Variants in CDH13 observed in about 807,000 individuals in gnomAD.
CDH13 encodes cadherin 13.
Under a neutral mutation model 63.8 loss-of-function variants are expected in CDH13, and 24 were observed. The ratio of observed to expected loss-of-function variants is 0.38; its 90% CI spans 0.27 to 0.53. CDH13 has a LOEUF of 0.53. Among genes scored for constraint, CDH13 ranks in the 20% least tolerant of loss-of-function variants. The probability of loss-of-function intolerance (pLI) is 0.85; values close to 1 mark genes in which losing one functional copy is unlikely to be tolerated. For missense variants in CDH13, 1,049 were observed against 903.1 expected, an observed-to-expected ratio of 1.16 and a Z score of -2.07; for synonymous variants, 503 against 355.3, an observed-to-expected ratio of 1.42 and a Z score of -4.67.
chr16:82,745,979 T>C (rs925906568), intron 1 of CDH13, among the ~76,000 whole-genome samples: 15 of 152,116 alleles, frequency 9.9e-5, no homozygotes, highest in African/African-American at 3.4e-4. Context: ...TTATATTTAA[T>C]ACCATCAAAA....
intron 1 of CDH13, among the ~76,000 whole-genome samples, chr16:82,848,072 A>G (rs945008303): frequency 6.6e-6 from 1 of 152,218 alleles, no homozygotes; most frequent in Non-Finnish European, 1.5e-5. Context: ...ATGTTCAAAG[A>G]ACAAAGAGAA....
intron 7 of CDH13, among the ~76,000 whole-genome samples, chr16:83,505,223 A>G (rs1313756877): frequency 1.3e-5 from 2 of 152,222 alleles, no homozygotes; most frequent in African/African-American, 4.8e-5. Flanking sequence ...TGTACCCAGA[A>G]GAAACAAGAA....
In CDH13 at chr16:83,798,562, C is replaced by T. The variant is rs1904294975; in HGVS notation, c.*3532C>T. ...AGGCTCAGAAAAATTGAATGGCTTGCCCAAGGTAAGTGGCCTCCAGAACCA... is the reference window on the plus strand; with the variant it reads ...AGGCTCAGAAAAATTGAATGGCTTGTCCAAGGTAAGTGGCCTCCAGAACCA... On this transcript the variant is annotated 3_prime_UTR_variant, in exon 14 of 14. Coordinates refer to ENST00000567109, the MANE Select transcript of CDH13 (RefSeq NM_001257.5). 6.6e-6 allele frequency: 1 copy of T among 152,144 alleles called. No homozygotes were observed. The highest frequency in any genetic ancestry group is 1.9e-4 in the East Asian group (1 of 5,188). The allele number at this position is 152,144 out of a possible 1,614,324, so 9.4% of individuals were successfully genotyped here.
chr16:82,736,491 T>C (rs953387710), intron 1 of CDH13, among the ~76,000 whole-genome samples: 16 of 152,106 alleles, frequency 1.1e-4, no homozygotes, highest in Non-Finnish European at 1.9e-4. Context: ...GAGCTAATGG[T>C]AAAAATAAAC....
intron 10 of CDH13, among the ~76,000 whole-genome samples, chr16:83,737,756 G>A (rs1046072188): frequency 2.0e-5 from 3 of 152,294 alleles, no homozygotes; most frequent in Middle Eastern, 3.4e-3. Flanking sequence ...CCAAATTGGA[G>A]AACCAGTGGC....
intron 5 of CDH13, among the ~76,000 whole-genome samples, chr16:83,307,573 G>C (rs2089908532): frequency 6.6e-6 from 1 of 152,140 alleles, no homozygotes; most frequent in Admixed American, 6.5e-5. Context: ...ATTTAACCAT[G>C]AATTTCCTCC....
intron 3 of CDH13, among the ~76,000 whole-genome samples, chr16:83,086,357 T>G (rs768073772): frequency 2.0e-5 from 3 of 152,196 alleles, no homozygotes; most frequent in Non-Finnish European, 4.4e-5. Flanking sequence ...TGTTTTTGGG[T>G]AAGGTACTCT....
intron 2 of CDH13, among the ~76,000 whole-genome samples, chr16:82,896,295 T>A (rs1265247801): frequency 4.4e-5 from 3 of 68,202 alleles, no homozygotes; most frequent in African/African-American, 1.8e-4. Context: ...TTTTTTTTTT[T>A]TTTTTTTTTT....
intron 3 of CDH13, among the ~76,000 whole-genome samples, chr16:83,058,890 CTTGCT>C (rs1269174454): frequency 6.6e-6 from 1 of 151,740 alleles, no homozygotes; most frequent in Non-Finnish European, 1.5e-5. Context: ...AGGATATTTT[CTTGCT>C]TTGCTTTGCT....
chr16:83,004,715 A>G (rs147704820), intron 2 of CDH13, among the ~76,000 whole-genome samples: 39 of 151,972 alleles, frequency 2.6e-4, no homozygotes, highest in African/African-American at 8.2e-4. Flanking sequence ...CTGGCCTCAA[A>G]CTCCTGACCT....
At chr16:83,059,563 T>A (rs1325323126) in intron 3 of CDH13, among the ~76,000 whole-genome samples, 1 of 152,046 alleles carries the variant, frequency 6.6e-6, no homozygotes, top group Non-Finnish European at 1.5e-5. Context: ...CTTCGGAGAT[T>A]CCATCATTCA....
At chr16:83,671,315 C>A (rs950081933) in intron 9 of CDH13, among the ~76,000 whole-genome samples, 1 of 152,160 alleles carries the variant, frequency 6.6e-6, no homozygotes, top group East Asian at 1.9e-4. Flanking sequence ...GTGGTGTGAT[C>A]TCAGCTCACT....
intron 8 of CDH13, among the ~76,000 whole-genome samples, chr16:83,651,705 C>G (rs1296118116): frequency 6.9e-6 from 1 of 145,534 alleles, no homozygotes; most frequent in Non-Finnish European, 1.5e-5. Context: ...AAGAAATTCT[C>G]CTGCCTCAGC....
In CDH13 at chr16:82,653,232, T is replaced by A. The variant is rs1910935063; in HGVS notation, c.45+26095T>A. 5.3e-5 allele frequency among the ~76,000 whole-genome samples: 8 copies of A among 152,320 alleles called. No homozygotes were observed. In the South Asian group the frequency reaches 1.7e-3, roughly 32 times the overall value. On this transcript the variant is annotated intron_variant, in intron 1 of 13. Coordinates refer to ENST00000567109, the MANE Select transcript of CDH13 (RefSeq NM_001257.5). ...GATGGTTTCTGAGGACCTGATAATG[T>A]TTCTCCTTGATTTTAGTGCCAGTTA...
At chr16:83,785,622 T>C (rs774984780) in intron 13 of CDH13, among the ~76,000 whole-genome samples, 1 of 152,202 alleles carries the variant, frequency 6.6e-6, no homozygotes, top group Non-Finnish European at 1.5e-5. Flanking sequence ...CGTGAGGGTA[T>C]GCTGTCTGGG....
chr16:83,318,662 C>T (rs974503156), intron 5 of CDH13, among the ~76,000 whole-genome samples: 1 of 152,138 alleles, frequency 6.6e-6, no homozygotes, highest in African/African-American at 2.4e-5. Flanking sequence ...AGTGCACCTT[C>T]CTCCTGTGGC....
chr16:82,817,061 AAC>A (rs2037753857), intron 1 of CDH13, among the ~76,000 whole-genome samples: 1 of 152,130 alleles, frequency 6.6e-6, no homozygotes, highest in Non-Finnish European at 1.5e-5. Context: ...TTTAGAAATC[AAC>A]CAAGTGCATT....
intron 1 of CDH13, among the ~76,000 whole-genome samples, chr16:82,660,771 G>T (rs991064936): frequency 2.6e-5 from 4 of 152,142 alleles, no homozygotes; most frequent in African/African-American, 9.7e-5. Flanking sequence ...TCAGCATGGC[G>T]GGTGGTTTTC....
At chr16:83,365,131 G>A (rs955857644) in intron 6 of CDH13, among the ~76,000 whole-genome samples, 1 of 152,220 alleles carries the variant, frequency 6.6e-6, no homozygotes, top group African/African-American at 2.4e-5. Flanking sequence ...TCTGCAGTCA[G>A]TAGCTGGAGA....
Sources: allele counts gnomAD v4.1 joint callset (sites outside exome capture counted in the v4.1 genomes callset), GRCh38; gene constraint gnomAD v4.1.1; transcripts MANE v1.5; gene names NCBI Gene and HGNC (gene_info 2026-07-23, HGNC 2026-07-21).